MED24: variants seen among roughly 807,000 people sequenced by gnomAD.
The protein encoded by MED24 is mediator complex subunit 24, also known as mediator of RNA polymerase II transcription subunit 24.
MED24 carries 74 observed loss-of-function variants against 118.8 expected under a neutral mutation model. The observed-to-expected ratio is 0.62, with a 90% CI of 0.52 to 0.76. MED24 has a LOEUF of 0.76. Ranked by LOEUF, MED24 falls within the 30% of genes least tolerant of loss-of-function variation. The pLI, the probability that MED24 is intolerant of heterozygous loss-of-function variation, is 0.00. For missense variants in MED24, 1,041 were observed against 1,278.9 expected (o/e 0.81, Z 2.84); for synonymous variants, 521 against 523.9 (o/e 0.99, Z 0.08).
Position 40,027,409 on chromosome 17 carries a change from G to A in MED24, c.1504C>T (p.His502Tyr). The A allele has an allele frequency of 6.2e-7, 1 of 1,613,800 alleles. No homozygotes were observed. Among genetic ancestry groups the A allele is most frequent in the South Asian group, 1.1e-5 (1 of 90,972 alleles). The change falls in exon 16 of 26, where the codon CAT (histidine) becomes TAT (tyrosine). Residue 502 changes from histidine (H) to tyrosine (Y), a missense_variant. Around this residue, in one of 3 missense-constraint regions of MED24, gnomAD observed 587 missense variants for 694.4 expected, o/e 0.85. Coordinates refer to ENST00000394128, the MANE Select transcript of MED24 (RefSeq NM_014815.4). ...TCTGAACCATAGGTCTGGGCCACAT[G>A]GCACAGCATGAGGAAGGAGATGTCA... ...LFDISFLMLC[H>Y]VAQTYGSEVI...
rs764316767 is a variant in MED24, at chr17:40,023,352, C to T, written c.2029G>A (p.Val677Met). ...NSILERMCADVLQQTATQIKF... is the reference protein window; with the variant it reads ...NSILERMCADMLQQTATQIKF... ...ATCTGCGTGGCTGTCTGCTGCAGCA[C>T]GTCGGCACACATGCGCTCCAGGATC... The change falls in exon 20 of 26, where the codon GTG becomes ATG. Residue 677 changes from valine (V) to methionine (M), a missense_variant. Coordinates refer to ENST00000394128, the MANE Select transcript of MED24 (RefSeq NM_014815.4). 8.1e-6 allele frequency: 13 copies of T among 1,611,826 alleles called. No homozygotes were observed. In the East Asian group the frequency reaches 2.0e-4, roughly 25 times the overall value.
At chr17:40,022,260 G>C (rs918101968) in intron 22 of MED24, 134 bp downstream of exon 22, 1 of 1,034,368 alleles carries the variant, frequency 9.7e-7, no homozygotes, top group African/African-American at 1.6e-5. Flanking sequence ...GCAGATTCCT[G>C]ACCAATCATG....
Position 40,029,848 on chromosome 17 carries a change from C to G in MED24, c.1166G>C (p.Arg389Pro). ...NNLMAKRKAD[R>P]EHAPQQKSGE... is the part of the protein sequence containing the mutation. Reference sequence around the variant, plus strand: ...CGATTTCTGCTGGGGTGCGTGCTCTCGGTCCGCTTTGCTGTGGACATCACC... The same window carrying G: ...CGATTTCTGCTGGGGTGCGTGCTCTGGGTCCGCTTTGCTGTGGACATCACC... The change falls in exon 13 of 26, where the codon CGA (arginine) becomes CCA (proline). Residue 389 changes from arginine (R) to proline (P), a missense_variant. Transcript: ENST00000394128. 6.2e-7 allele frequency: 1 copy of G among 1,614,052 alleles called. No individual in the cohort carries two copies. The highest frequency in any genetic ancestry group is 8.5e-7 in the Non-Finnish European group (1 of 1,179,964).
At chr17:40,020,463 T>C (rs539402243) in intron 23 of MED24, 110 bp from the exon 24 acceptor site, 49 of 1,543,578 alleles carry the variant, frequency 3.2e-5, no homozygotes, top group Non-Finnish European at 4.0e-5. Flanking sequence ...AACTGGTACA[T>C]GGAGAGCCCA....
intron 13 of MED24, 51 bp downstream of exon 13, chr17:40,029,697 A>G: frequency 6.6e-7 from 1 of 1,513,724 alleles, no homozygotes; most frequent in Admixed American, 1.7e-5. Context: ...CAGATGGAGC[A>G]CTGGAAAGAA....
chr17:40,045,233 G>T (rs888762659), intron 3 of MED24, among the ~76,000 whole-genome samples: 1 of 151,900 alleles, frequency 6.6e-6, no homozygotes, highest in Non-Finnish European at 1.5e-5. Context: ...CAGATCACTT[G>T]AGGTCAGGAG....
At chr17:40,035,415 T>C in intron 5 of MED24, 66 bp from the exon 6 acceptor site, 1 of 1,441,106 alleles carries the variant, frequency 6.9e-7, no homozygotes, top group Non-Finnish European at 9.3e-7. Context: ...CACATCAATG[T>C]TCCCCAGAGT....
intron 15 of MED24, 165 bp downstream of exon 15, chr17:40,027,744 G>C (rs988774088): frequency 2.6e-6 from 2 of 783,688 alleles, no homozygotes; most frequent in Admixed American, 2.3e-5. Context: ...TCCTTTTCCA[G>C]CATTATCCAC....
intron 15 of MED24, 58 bp from the exon 16 acceptor site, chr17:40,027,523 G>A: frequency 4.0e-6 from 6 of 1,512,900 alleles, no homozygotes; most frequent in Non-Finnish European, 5.4e-6. Context: ...GCCCGTGTCT[G>A]GGTTGACAGG....
At chr17:40,032,201 C>T (rs755534251) in intron 9 of MED24, 111 bp from the exon 10 acceptor site, 82 of 1,287,034 alleles carry the variant, frequency 6.4e-5, no homozygotes, top group Admixed American at 4.0e-5. Flanking sequence ...CAGGAACACT[C>T]CTACCCTGGG....
chr17:40,050,119 C>G (rs1985668507), intron 3 of MED24, among the ~76,000 whole-genome samples: 1 of 146,828 alleles, frequency 6.8e-6, no homozygotes, highest in South Asian at 2.2e-4. Flanking sequence ...CCACTGCACT[C>G]CAGCCTGGGG....
intron 19 of MED24, among the ~76,000 whole-genome samples, chr17:40,025,153 C>T (rs1296985843): frequency 1.3e-5 from 2 of 152,052 alleles, no homozygotes; most frequent in South Asian, 4.2e-4. Flanking sequence ...AAGGCAAGGA[C>T]TGTATGATTC....
intron 3 of MED24, among the ~76,000 whole-genome samples, chr17:40,037,212 G>A (rs1984041209): frequency 6.6e-6 from 1 of 151,826 alleles, no homozygotes; most frequent in Non-Finnish European, 1.5e-5. Flanking sequence ...GAGAGAGAAA[G>A]AGGGAAGGAA....
rs1983160198 is a variant in MED24, at chr17:40,029,879, G to A, written c.1155-20C>T. ...GCTTTGCTGTGGACATCACCAGTTG[G>A]CCAAGGAAGGGAAGAGGAATGAAGA... On this transcript the variant is annotated intron_variant, in intron 12 of 25. Transcript: ENST00000394128. 6.2e-7 allele frequency: 1 copy of A among 1,606,266 alleles called. No homozygotes were observed. The highest frequency in any genetic ancestry group is 1.1e-5 in the South Asian group (1 of 90,946).
intron 3 of MED24, among the ~76,000 whole-genome samples, chr17:40,042,155 A>G (rs1984626594): frequency 6.6e-6 from 1 of 152,182 alleles, no homozygotes; most frequent in Admixed American, 6.5e-5. Context: ...GATCTTTTTA[A>G]AATTAATCCA....
At chr17:40,030,666 ATTTT>A (rs34021774) in intron 12 of MED24, among the ~76,000 whole-genome samples, 1 of 129,814 alleles carries the variant, frequency 7.7e-6, no homozygotes, top group South Asian at 2.4e-4. Context: ...TTATTTATTT[ATTTT>A]TTTTTTGAGA....
Position 40,036,809 on chromosome 17 carries a change from C to T in MED24, c.214-655G>A, listed in dbSNP as rs533172144. Among the ~76,000 whole-genome samples the T allele has an allele frequency of 1.3e-4, 20 of 152,186 alleles. No individual in the cohort carries two copies. The South Asian group carries it at 3.3e-3, about 25-fold the overall frequency. ...CATGTCACTGTATTCCTACAGCTTC[C>T]GGCAAGAACAGAGGTTTTAATGGGT... is the stretch of plus-strand genomic sequence containing the variant. On this transcript the variant is annotated intron_variant, in intron 3 of 25. Transcript: ENST00000394128.
intron 23 of MED24, 159 bp from the exon 24 acceptor site, chr17:40,020,512 G>A (rs1194772644): frequency 6.0e-6 from 9 of 1,504,352 alleles, no homozygotes; most frequent in Non-Finnish European, 7.2e-6. Context: ...GGGAGGCCAG[G>A]TACAGTGGCT....
At chr17:40,037,827 C>A (rs897387914) in intron 3 of MED24, among the ~76,000 whole-genome samples, 1 of 151,252 alleles carries the variant, frequency 6.6e-6, no homozygotes, top group Admixed American at 6.6e-5. Context: ...AGGAGAATGG[C>A]GTGAACCCGG....
Sources: gnomAD v4.1 joint callset for allele counts (sites outside exome capture counted in the v4.1 genomes callset) on GRCh38, gnomAD v4.1.1 for gene constraint, gnomAD v4.1.1 regional missense constraint, MANE v1.5 for transcripts, NCBI Gene and HGNC (gene_info 2026-07-23, HGNC 2026-07-21) for gene names.